The following CNTN3 variants were observed in gnomAD, a reference collection of about 807,000 sequenced individuals.
CNTN3 encodes contactin 3.
A neutral mutation model predicts 119.1 loss-of-function variants in CNTN3; 60 were observed. That is an observed-to-expected ratio of 0.50 (90% CI 0.41 to 0.62). The LOEUF is 0.62. Among genes scored for constraint, CNTN3 ranks in the 20% least tolerant of loss-of-function variants. CNTN3 has a pLI of 0.00. For missense variants in CNTN3, 1,101 were observed against 1,242.4 expected (o/e 0.89, Z 1.71); for synonymous variants, 450 against 438.7 (o/e 1.03, Z -0.32).
chr3:74,330,969 G>A (rs1199840124), intron 13 of CNTN3, among the ~76,000 whole-genome samples: 1 of 152,156 alleles, frequency 6.6e-6, no homozygotes, highest in Non-Finnish European at 1.5e-5. Flanking sequence ...CAGTCAAAAA[G>A]TCTAAAAAGG....
intron 5 of CNTN3, among the ~76,000 whole-genome samples, chr3:74,410,308 T>C (rs1019572175): frequency 2.0e-5 from 3 of 152,124 alleles, no homozygotes; most frequent in African/African-American, 7.2e-5. Flanking sequence ...CTTTTACTGC[T>C]TACTAGCACT....
chr3:74,287,984 C>A (rs1357707151), intron 19 of CNTN3, among the ~76,000 whole-genome samples: 1 of 152,060 alleles, frequency 6.6e-6, no homozygotes, highest in African/African-American at 2.4e-5. Context: ...TTTCAGTATG[C>A]CTCAATTGTC....
intron 20 of CNTN3, among the ~76,000 whole-genome samples, chr3:74,269,337 G>A (rs533755354): frequency 5.9e-5 from 9 of 151,802 alleles, no homozygotes; most frequent in South Asian, 4.2e-4. Flanking sequence ...TATAATGTTC[G>A]CGAACTACCT....
At chr3:74,567,372 C>T (rs1220374932) in intron 1 of CNTN3, among the ~76,000 whole-genome samples, 1 of 99,072 alleles carries the variant, frequency 1.0e-5, no homozygotes, top group Middle Eastern at 0.01. Context: ...GTTGTCCAGG[C>T]TTGTTTTGAA....
intron 5 of CNTN3, among the ~76,000 whole-genome samples, chr3:74,388,793 T>C (rs1280725793): frequency 6.6e-6 from 1 of 152,228 alleles, no homozygotes; most frequent in Non-Finnish European, 1.5e-5. Flanking sequence ...CAGGAAGTCC[T>C]GGATAAAATC....
In CNTN3 at chr3:74,455,096, G is replaced by C. The variant is rs560712272; in HGVS notation, c.359-30156C>G. Reference sequence around the variant, plus strand: ...AAGTTCTCCTGGATAATATCCTGCAGAGTGTTTTCCAACTTGGTTCCATTC... The same window carrying C: ...AAGTTCTCCTGGATAATATCCTGCACAGTGTTTTCCAACTTGGTTCCATTC... On this transcript the variant is annotated intron_variant, in intron 4 of 22. Transcript: ENST00000263665. Among the ~76,000 whole-genome samples, 1,106 of 152,202 alleles carry C rather than the reference G, an allele frequency of 7.3e-3. 13 individuals are homozygous for C. The highest frequency in any genetic ancestry group is 0.025 in the African/African-American group (1,027 of 41,530).
intron 8 of CNTN3, 103 bp from the exon 9 acceptor site, chr3:74,365,805 G>C (rs1279856475): frequency 7.8e-7 from 1 of 1,278,232 alleles, no homozygotes; most frequent in East Asian, 2.4e-5. Flanking sequence ...AAATGGACAT[G>C]ATAATGAGTA....
At chr3:74,282,005 A>G (rs1429700921) in intron 20 of CNTN3, among the ~76,000 whole-genome samples, 2 of 152,218 alleles carry the variant, frequency 1.3e-5, no homozygotes, top group South Asian at 2.1e-4. Context: ...AAAATTCTCA[A>G]TGTTTCTTTT....
intron 1 of CNTN3, among the ~76,000 whole-genome samples, chr3:74,578,753 C>T (rs926563286): frequency 7.2e-5 from 11 of 152,142 alleles, no homozygotes; most frequent in African/African-American, 2.2e-4. Flanking sequence ...CCTGTGAATT[C>T]GTCCCTTCCT....
intron 1 of CNTN3, among the ~76,000 whole-genome samples, chr3:74,550,636 T>C (rs2107159560): frequency 6.6e-6 from 1 of 152,296 alleles, no homozygotes; most frequent in African/African-American, 2.4e-5. Context: ...GCTCCTCAAC[T>C]CAAGCCATCC....
chr3:74,483,221 G>A (rs1702793878), intron 4 of CNTN3, among the ~76,000 whole-genome samples: 1 of 151,982 alleles, frequency 6.6e-6, no homozygotes, highest in Admixed American at 6.6e-5. Flanking sequence ...ACAGACTGGG[G>A]GGAAACCTAA....
In CNTN3 at chr3:74,552,407, A is replaced by G. The variant is rs527346555; in HGVS notation, c.-80-31215T>C. Among the ~76,000 whole-genome samples the G allele has an allele frequency of 7.2e-5, 11 of 152,302 alleles. No individual in the cohort carries two copies. The East Asian group carries it at 1.9e-3, about 27-fold the overall frequency. Reference sequence around the variant, plus strand: ...TTCCAAAATGGCTGTACCGTTTTACATTGCCACCTAGCAATGAGTGAGAGT... The same window carrying G: ...TTCCAAAATGGCTGTACCGTTTTACGTTGCCACCTAGCAATGAGTGAGAGT... On this transcript the variant is annotated intron_variant, in intron 1 of 22. Transcript: ENST00000263665.
At chr3:74,264,653 G>A (rs1701634593) in intron 22 of CNTN3, 152 bp from the exon 23 acceptor site, 1 of 476,624 alleles carries the variant, frequency 2.1e-6, no homozygotes, top group Non-Finnish European at 3.8e-6. Flanking sequence ...GACTTCGAGA[G>A]GTGACACTGA....
At chr3:74,436,440 C>A (rs1701867624) in intron 4 of CNTN3, among the ~76,000 whole-genome samples, 1 of 152,192 alleles carries the variant, frequency 6.6e-6, no homozygotes. Flanking sequence ...CTCCATGGCA[C>A]TCTCAGTTGT....
At chr3:74,539,392 T>C (rs6783596) in intron 1 of CNTN3, among the ~76,000 whole-genome samples, 150,300 of 152,192 alleles carry the variant, frequency 0.99, 74,237 homozygotes, top group Middle Eastern at 1. Context: ...ACCAGCCATA[T>C]GAGGGAAGTA....
intron 1 of CNTN3, among the ~76,000 whole-genome samples, chr3:74,534,255 C>A (rs1703731249): frequency 6.6e-6 from 1 of 151,890 alleles, no homozygotes; most frequent in South Asian, 2.1e-4. Context: ...AGCATGAGCC[C>A]CTTATGCCCA....
At position 74,603,807 on chromosome 3, in the gene CNTN3, GA is replaced by G. The variant is rs371110717; in HGVS notation, c.-81+10583del. ...TCCAAAGACATTTTTCACAGAAATA[GA>G]AAAAAAAATCCTAAAATTTATATGG... On this transcript the variant is annotated intron_variant, in intron 1 of 22. Transcript: ENST00000263665. Among the ~76,000 whole-genome samples the G allele has an allele frequency of 8.3e-4, 125 of 150,610 alleles. 1 individual carries two copies. The East Asian group carries it at 0.015, about 18-fold the overall frequency.
At chr3:74,443,678 C>G (rs1046100128) in intron 4 of CNTN3, among the ~76,000 whole-genome samples, 26 of 152,162 alleles carry the variant, frequency 1.7e-4, no homozygotes, top group Non-Finnish European at 1.6e-4. Context: ...TTCCTCTACT[C>G]TTTCCACCTG....
In CNTN3 at chr3:74,384,884, A is replaced by G. The variant is rs377706849; in HGVS notation, c.455-13485T>C. 6.7e-4 allele frequency among the ~76,000 whole-genome samples: 102 copies of G among 152,308 alleles called. 1 individual carries two copies. Among genetic ancestry groups the G allele is most frequent in the African/African-American group, 2.3e-3 (96 of 41,570 alleles). ...TTGTACCAAATTTTATCTCAACAAC[A>G]TATCTTCTGGGATATTTATAAGTAT... On this transcript the variant is annotated intron_variant, in intron 5 of 22. Coordinates refer to ENST00000263665, the MANE Select transcript of CNTN3 (RefSeq NM_020872.3).
Sources: gnomAD v4.1 joint callset for allele counts (sites outside exome capture counted in the v4.1 genomes callset) on GRCh38, gnomAD v4.1.1 for gene constraint, MANE v1.5 for transcripts, NCBI Gene and HGNC (gene_info 2026-07-23, HGNC 2026-07-21) for gene names.